GRM6: variants seen among roughly 807,000 people sequenced by gnomAD.
GRM6 encodes glutamate metabotropic receptor 6, also known as metabotropic glutamate receptor 6.
Under a neutral mutation model 78.4 loss-of-function variants are expected in GRM6, and 73 were observed. That is an observed-to-expected ratio of 0.93 (90% CI 0.77 to 1.13). The LOEUF (loss-of-function observed/expected upper bound fraction) is 1.13, where lower values mean the gene tolerates loss of function less well. Among genes scored for constraint, GRM6 ranks in the 50% most tolerant of loss-of-function variants. GRM6 has a pLI of 0.00. For synonymous variants in GRM6, 580 were observed against 555.0 expected (o/e 1.05, Z -0.63); for missense variants, 1,251 against 1,256.4 (o/e 1.00, Z 0.07).
In GRM6 at chr5:178,994,685, G is replaced by T. The variant is rs1760741144; in HGVS notation, c.260C>A (p.Pro87His). ...CAGCCGCGCGCCCAGGCGCACGCCG[G>T]GCAGCAGCTCGGGGTCGGCGTTGAC... ...DRVNADPELLPGVRLGARLLD... is the reference protein window; with the variant it reads ...DRVNADPELLHGVRLGARLLD... Residue 87 changes from proline (P) to histidine (H), a missense_variant, in exon 2 of 11, where the codon CCC becomes CAC. By Grantham distance (77) the Pro-to-His change is moderately conservative. Coordinates refer to ENST00000517717, the MANE Select transcript of GRM6 (RefSeq NM_000843.4). 1 of 1,470,342 alleles carries T rather than the reference G, an allele frequency of 6.8e-7. No homozygotes were observed. Among genetic ancestry groups the T allele is most frequent in the Non-Finnish European group, 9.0e-7 (1 of 1,114,038 alleles). The allele number at this position is 1,470,342 out of a possible 1,614,324, so 91.1% of individuals were successfully genotyped here.
At chr5:178,987,914 CA>C (rs1561718706) in intron 7 of GRM6, among the ~76,000 whole-genome samples, 5 of 142,466 alleles carry the variant, frequency 3.5e-5, no homozygotes, top group East Asian at 4.2e-4. Flanking sequence ...CACCCGTCGC[CA>C]TGCCCAGCTA....
rs1760614698 is a variant in GRM6, at chr5:178,988,870, C to A, written c.1354+65G>T. 2.9e-6 allele frequency: 4 copies of A among 1,359,088 alleles called. No individual in the cohort carries two copies. The African/African-American group carries it at 4.3e-5, about 15-fold the overall frequency. 84.2% of individuals were successfully genotyped at this position (1,359,088 alleles called of 1,614,324 possible). A position where few individuals can be genotyped will look rare whatever the true frequency, so the allele number is the denominator to read the frequency against. Reference sequence around the variant, plus strand: ...CCTTCCACCCTGAGGTTGTCCCAGGCCTCACAGCAAAATCCAGCCCCCCAG... The same window carrying A: ...CCTTCCACCCTGAGGTTGTCCCAGGACTCACAGCAAAATCCAGCCCCCCAG... On this transcript the variant is annotated intron_variant, in intron 7 of 10. Transcript: ENST00000517717. The surrounding 1 kb of genome is among the most constrained non-coding windows in gnomAD (Gnocchi z 6.0).
Position 178,994,982 on chromosome 5 carries a change from G to A in GRM6, c.-16-22C>T. 4 of 1,131,434 alleles carry A rather than the reference G, an allele frequency of 3.5e-6. No homozygotes were observed. The East Asian group carries it at 1.7e-4, about 48-fold the overall frequency. 70.1% of individuals were successfully genotyped at this position (1,131,434 alleles called of 1,614,324 possible). On this transcript the variant is annotated intron_variant, in intron 1 of 10. Coordinates refer to ENST00000517717, the MANE Select transcript of GRM6 (RefSeq NM_000843.4). ...CGGGCTGCGGGGAGACAGAGGGGCG[G>A]GGAGCGCTCTGAGGGCGGGGGAAGG... is the stretch of plus-strand genomic sequence containing the variant.
rs745799458 is a variant in GRM6, at chr5:178,992,021, G to C, written c.567C>G (p.Phe189Leu). The change falls in exon 3 of 11, where the codon TTC becomes TTG. Residue 189 changes from phenylalanine (F) to leucine (L), a missense_variant. Transcript: ENST00000517717. This position sits in a 1 kb window ranked among gnomAD's most constrained non-coding sequence, Gnocchi z 4.9. ...AGTCGGGTGGCACCACCCGGGAGAA[G>C]AAGTCATAGCGTGTGGAGTCGCTGA... ...PELSDSTRYD[F>L]FSRVVPPDSY... 6.2e-7 allele frequency: 1 copy of C among 1,614,146 alleles called. No individual in the cohort carries two copies. The highest frequency in any genetic ancestry group is 2.2e-5 in the East Asian group (1 of 44,870).
chr5:178,994,935 G>A lies in GRM6; in HGVS notation c.10C>T (p.Pro4Ser), dbSNP rs1760747796. The change falls in exon 2 of 11, where the codon CCC (proline) becomes TCC (serine). Residue 4 changes from proline (P) to serine (S), a missense_variant. Physicochemically the swap from Pro to Ser is moderately conservative, Grantham distance 74. Coordinates refer to ENST00000517717, the MANE Select transcript of GRM6 (RefSeq NM_000843.4). The part of the protein sequence containing the change: MAR[P>S]RRAREPLLVA... ...AGCAGCGGCTCCCGGGCTCTCCGGGGCCGCGCCATCGGCTCGTCTAGCGGG... is the reference window on the plus strand; with the variant it reads ...AGCAGCGGCTCCCGGGCTCTCCGGGACCGCGCCATCGGCTCGTCTAGCGGG... 5.1e-6 allele frequency: 6 copies of A among 1,183,442 alleles called. No individual in the cohort carries two copies. The highest frequency in any genetic ancestry group is 6.3e-6 in the Non-Finnish European group (6 of 957,458). 73.3% of individuals were successfully genotyped at this position (1,183,442 alleles called of 1,614,324 possible).
chr5:178,985,516 A>C (rs149087671), intron 9 of GRM6: 5 of 340,006 alleles, frequency 1.5e-5, no homozygotes, highest in Non-Finnish European at 2.3e-5. Flanking sequence ...ATCCTGGCTA[A>C]CACGGTGAAG....
At position 178,986,366 on chromosome 5, in the gene GRM6, C is replaced by G. The variant is rs202227349; in HGVS notation, c.1888G>C (p.Gly630Arg). The G allele has an allele frequency of 2.5e-6, 4 of 1,613,958 alleles. No homozygotes were observed. Among genetic ancestry groups the G allele is most frequent in the Non-Finnish European group, 3.4e-6 (4 of 1,180,030 alleles). Residue 630 changes from glycine to arginine, a missense_variant, in exon 9 of 11, where the codon GGC becomes CGC. Physicochemically the swap from Gly to Arg is moderately radical, Grantham distance 125. Coordinates refer to ENST00000517717, the MANE Select transcript of GRM6 (RefSeq NM_000843.4). ...GRELSYVLLT[G>R]IFLIYAITFL... ...GTGATGGCGTAGATGAGGAAGATGC[C>G]GGTGAGGAGGACGTAGCTGAGCTCT...
intron 2 of GRM6, among the ~76,000 whole-genome samples, chr5:178,993,584 T>C (rs1760719511): frequency 6.6e-6 from 1 of 152,112 alleles, no homozygotes; most frequent in African/African-American, 2.4e-5. Context: ...CCTAGGTAGA[T>C]GGAAGCCAGG....
rs968441668 is a variant in GRM6 at position 178,986,241 on chromosome 5, C to A, written c.2013G>T (p.Lys671Asn). Reference protein sequence around the residue: ...TTLSYSALLTKTNRIYRIFEQ... With the variant: ...TTLSYSALLTNTNRIYRIFEQ... ...CAAAGATGCGGTAGATACGGTTGGT[C>A]TTGGTGAGCAGGGCAGAGTAGCTGA... Residue 671 changes from lysine to asparagine, a missense_variant, in exon 9 of 11, where the codon AAG (lysine) becomes AAT (asparagine). Transcript: ENST00000517717. 2.5e-6 allele frequency: 4 copies of A among 1,614,040 alleles called. No individual in the cohort carries two copies. The African/African-American group carries it at 5.3e-5, about 22-fold the overall frequency.
At chr5:178,990,873 A>G (rs949249293) in intron 4 of GRM6, 127 bp from the exon 5 acceptor site, 2 of 857,128 alleles carry the variant, frequency 2.3e-6, no homozygotes, top group Admixed American at 2.8e-5. Flanking sequence ...TCTCAGGAAA[A>G]ACGGGGCCGG....
chr5:178,986,415 C>T lies in GRM6; in HGVS notation c.1839G>A (p.Thr613=), dbSNP rs765885831. 5.3e-5 allele frequency: 85 copies of T among 1,613,542 alleles called. No individual in the cohort carries two copies. In the East Asian group the frequency reaches 1.3e-3, roughly 24 times the overall value. ...CTCGGCCCGAGGCCCGGACGATGGGCGTGTTGTTGTACCGCACGAAGGTGG... is the reference window on the plus strand; with the variant it reads ...CTCGGCCCGAGGCCCGGACGATGGGTGTGTTGTTGTACCGCACGAAGGTGG... ...VVATFVRYNN[T]PIVRASGREL... The change falls in exon 9 of 11, where the codon ACG becomes ACA. Residue 613 remains threonine (T), a synonymous_variant. Transcript: ENST00000517717.
rs1472101641 is a variant in GRM6 at position 178,982,003 on chromosome 5, G to A, written c.2437-149C>T. On this transcript the variant is annotated intron_variant, in intron 10 of 10. Transcript: ENST00000517717. ...TAGACCAGGACAACAGTATGAGCAGGGGCCCCGCGCCTGAGGGGCTGGCAG... is the reference window on the plus strand; with the variant it reads ...TAGACCAGGACAACAGTATGAGCAGAGGCCCCGCGCCTGAGGGGCTGGCAG... The A allele has an allele frequency of 4.1e-6, 3 of 731,856 alleles. No individual in the cohort carries two copies. The African/African-American group carries it at 5.1e-5, about 13-fold the overall frequency. The allele number at this position is 731,856 out of a possible 1,614,324, so 45.3% of individuals were successfully genotyped here. A position where few individuals can be genotyped will look rare whatever the true frequency, so the allele number is the denominator to read the frequency against.
rs145513411 is a variant in GRM6, at chr5:178,981,364, G to A, written c.*293C>T. Reference sequence around the variant, plus strand: ...GGCTTCATCATCCTCTTTGGACTTCGGATGAGAGAATAAGTTTAGTCCCTT... The same window carrying A: ...GGCTTCATCATCCTCTTTGGACTTCAGATGAGAGAATAAGTTTAGTCCCTT... On this transcript the variant is annotated 3_prime_UTR_variant, in exon 11 of 11. Transcript: ENST00000517717. This position sits in a 1 kb window ranked among gnomAD's most constrained non-coding sequence, Gnocchi z 5.1. 662 of 396,416 alleles carry A rather than the reference G, an allele frequency of 1.7e-3. 3 individuals carry two copies. The highest frequency in any genetic ancestry group is 0.012 in the East Asian group (234 of 20,024). 24.6% of individuals were successfully genotyped at this position (396,416 alleles called of 1,614,324 possible).
Position 178,988,935 on chromosome 5 carries a change from C to T in GRM6, c.1354G>A (p.Gly452Ser), listed in dbSNP as rs1291676537. ...LQYIRAVRFN[G>S]SAGTPVMFNE... The stretch of plus-strand genomic sequence containing the variant: ...TGCAGGGGGGCAGGCACCCACTCAC[C>T]ATTGAAGCGGACAGCTCGAATGTAC... Residue 452 changes from glycine to serine, a missense_variant and splice_region_variant, in exon 7 of 11, where the codon GGC becomes AGC. By Grantham distance (56) the Gly-to-Ser change is moderately conservative (BLOSUM62 0). Transcript: ENST00000517717. The surrounding 1 kb of genome is among the most constrained non-coding windows in gnomAD (Gnocchi z 6.0). 19 of 1,611,402 alleles carry T rather than the reference C, an allele frequency of 1.2e-5. No homozygotes were observed. Among genetic ancestry groups the T allele is most frequent in the Admixed American group, 3.3e-5 (2 of 59,958 alleles).
Position 178,986,755 on chromosome 5 carries a change from T to C in GRM6, c.1501-2A>G. On this transcript the variant is annotated splice_acceptor_variant, in intron 8 of 10. Transcript: ENST00000517717. LOFTEE classifies it high-confidence loss of function. ...GCCAGACCACTGCAGGGCCTCCACC[T>C]GGGACGCACAAAACACAGGCTGGGG... The C allele has an allele frequency of 6.2e-7, 1 of 1,608,586 alleles. No individual in the cohort carries two copies. Among genetic ancestry groups the C allele is most frequent in the Non-Finnish European group, 8.5e-7 (1 of 1,179,418 alleles).
At position 178,988,994 on chromosome 5, in the gene GRM6, G is replaced by A. The variant is rs377276357; in HGVS notation, c.1295C>T (p.Ala432Val). 32 of 1,614,002 alleles carry A rather than the reference G, an allele frequency of 2.0e-5. No individual in the cohort carries two copies. The highest frequency in any genetic ancestry group is 8.0e-5 in the African/African-American group (6 of 75,044). The change falls in exon 7 of 11, where the codon GCG becomes GTG. Residue 432 changes from alanine to valine, a missense_variant. Coordinates refer to ENST00000517717, the MANE Select transcript of GRM6 (RefSeq NM_000843.4). This position sits in a 1 kb window ranked among gnomAD's most constrained non-coding sequence, Gnocchi z 6.0. ...LCPGHTGLCPAMEPTDGRMLL... is the reference protein window; with the variant it reads ...LCPGHTGLCPVMEPTDGRMLL... ...CATCCGCCCATCAGTGGGTTCCATC[G>A]CCGGGCACAGGCCTGTGTGCCCAGG...
intron 2 of GRM6, 117 bp downstream of exon 2, chr5:178,994,324 T>G: frequency 2.3e-6 from 2 of 876,696 alleles, no homozygotes; most frequent in Non-Finnish European, 3.2e-6. Flanking sequence ...GCTGTGTGAA[T>G]TCGAGTGATT....
rs776791762 is a variant in GRM6 at position 178,989,303 on chromosome 5, G to A, written c.1115C>T (p.Ser372Leu). 4 of 1,610,514 alleles carry A rather than the reference G, an allele frequency of 2.5e-6. No individual in the cohort carries two copies. Among genetic ancestry groups the A allele is most frequent in the African/African-American group, 2.7e-5 (2 of 73,704 alleles). ...EENFNCKLTS[S>L]GTQSDDSTRK... Reference sequence around the variant, plus strand: ...GGTGGAATCGTCTGACTGGGTACCTGAGCTGGTCAGTTTGCAGTTAAAATT... The same window carrying A: ...GGTGGAATCGTCTGACTGGGTACCTAAGCTGGTCAGTTTGCAGTTAAAATT... The change falls in exon 6 of 11, where the codon TCA (serine) becomes TTA (leucine). Residue 372 changes from serine to leucine, a missense_variant. Coordinates refer to ENST00000517717, the MANE Select transcript of GRM6 (RefSeq NM_000843.4).
Position 178,994,858 on chromosome 5 carries a change from C to T in GRM6, c.87G>A (p.Ala29=), listed in dbSNP as rs1076876. 3 of 1,210,026 alleles carry T rather than the reference C, an allele frequency of 2.5e-6. No individual in the cohort carries two copies. Among genetic ancestry groups the T allele is most frequent in the Non-Finnish European group, 3.1e-6 (3 of 973,504 alleles). The allele number at this position is 1,210,026 out of a possible 1,614,324, so 75.0% of individuals were successfully genotyped here. Residue 29 remains alanine (A), a synonymous_variant, in exon 2 of 11, where the codon GCG becomes GCA. Coordinates refer to ENST00000517717, the MANE Select transcript of GRM6 (RefSeq NM_000843.4). ...CGCCCGCCAGGCGCACAGAGCCCGC[C>T]GCGCGCGCCAGGCCCGCCTGCGCCA... The part of the protein sequence containing the change: ...AWLAQAGLAR[A]AGSVRLAGGL...
Sources: gnomAD v4.1 joint callset for allele counts (sites outside exome capture counted in the v4.1 genomes callset) on GRCh38, gnomAD v4.1.1 for gene constraint, Gnocchi (gnomAD v3.1) non-coding constraint, MANE v1.5 for transcripts, NCBI Gene and HGNC (gene_info 2026-07-23, HGNC 2026-07-21) for gene names.